AOPEP: variants seen among roughly 807,000 people sequenced by gnomAD.
AOPEP encodes the protein aminopeptidase O.
Under a neutral mutation model 98.1 loss-of-function variants are expected in AOPEP, and 77 were observed. That is an observed-to-expected ratio of 0.78 (90% CI 0.65 to 0.95). The LOEUF is 0.95. Among genes scored for constraint, AOPEP ranks in the 40% least tolerant of loss-of-function variants. The pLI is 0.00. For synonymous variants in AOPEP, 346 were observed against 365.3 expected (o/e 0.95, Z 0.60); for missense variants, 1,024 against 1,024.7 (o/e 1.00, Z 0.01).
intron 5 of AOPEP, among the ~76,000 whole-genome samples, chr9:94,820,594 G>A (rs959310888): frequency 6.6e-6 from 1 of 152,032 alleles, no homozygotes; most frequent in African/African-American, 2.4e-5. Flanking sequence ...AAATTTTACT[G>A]TTGTAAACAA....
At chr9:94,974,615 C>G (rs1171954344) in intron 10 of AOPEP, among the ~76,000 whole-genome samples, 1 of 152,150 alleles carries the variant, frequency 6.6e-6, no homozygotes, top group Non-Finnish European at 1.5e-5. Flanking sequence ...GAAATGTAAC[C>G]GAAGGGTTGA....
At chr9:94,744,974 G>A (rs950596543) in intron 1 of AOPEP, among the ~76,000 whole-genome samples, 20 of 151,674 alleles carry the variant, frequency 1.3e-4, no homozygotes, top group African/African-American at 4.8e-4. Flanking sequence ...GTACCTATAA[G>A]GGTACATGAG....
chr9:94,963,703 C>T lies in AOPEP; in HGVS notation c.1873-4055C>T, dbSNP rs115661464. On this transcript the variant is annotated intron_variant, in intron 9 of 16. Coordinates refer to ENST00000375315, the MANE Select transcript of AOPEP (RefSeq NM_001193329.3). ...ACTATTTGTTGCTAGCTAACTTTGT[C>T]AAATTTTTCTAGAATCAGCTATGAA... 4.6e-3 allele frequency among the ~76,000 whole-genome samples: 698 copies of T among 152,134 alleles called. 6 individuals are homozygous for T. Among genetic ancestry groups the T allele is most frequent in the African/African-American group, 0.016 (667 of 41,518 alleles).
the AOPEP span, among the ~76,000 whole-genome samples, chr9:95,148,231 A>G: frequency 2.9e-3 from 435 of 152,316 alleles, 9 homozygotes; most frequent in South Asian, 0.042. Flanking sequence ...TACGGTGAAA[A>G]GGAAAGTGTG....
intron 7 of AOPEP, among the ~76,000 whole-genome samples, chr9:94,943,790 C>T (rs1443177997): frequency 5.0e-5 from 7 of 139,304 alleles, no homozygotes; most frequent in East Asian, 2.2e-4. Context: ...TGTGGTGGCA[C>T]GCACCTGTAA....
intron 5 of AOPEP, among the ~76,000 whole-genome samples, chr9:94,892,590 G>A (rs934985011): frequency 1.5e-4 from 23 of 152,340 alleles, no homozygotes; most frequent in Admixed American, 1.5e-3. Context: ...CTGTGAGATG[G>A]CCTCATTTGG....
chr9:95,066,901 A>T (rs1025184266), intron 14 of AOPEP, among the ~76,000 whole-genome samples: 1 of 152,210 alleles, frequency 6.6e-6, no homozygotes, highest in Non-Finnish European at 1.5e-5. Context: ...CAGCTCAGTC[A>T]GTAGTTTACA....
intron 5 of AOPEP, among the ~76,000 whole-genome samples, chr9:94,905,369 A>T (rs1447888170): frequency 6.6e-6 from 1 of 152,222 alleles, no homozygotes; most frequent in Non-Finnish European, 1.5e-5. Context: ...GATTATTTTA[A>T]AACATTATAA....
chr9:94,941,993 C>A (rs973925131), intron 7 of AOPEP, among the ~76,000 whole-genome samples: 8 of 152,176 alleles, frequency 5.3e-5, no homozygotes, highest in African/African-American at 1.9e-4. Context: ...ATTACTGCTA[C>A]TGTTTTCTTG....
intron 5 of AOPEP, among the ~76,000 whole-genome samples, chr9:94,899,179 C>CTTTTTTTTTTTTTTTTTTTTTTTTTT (rs1164742981): frequency 1.7e-5 from 1 of 59,732 alleles, no homozygotes; most frequent in African/African-American, 7.5e-5. Flanking sequence ...TCTTCATTTG[C>CTTTTTTTTTTTTTTTTTTTTTTTTTT]TTTTTTTTTT....
chr9:94,872,072 A>C (rs1007888963), intron 5 of AOPEP, among the ~76,000 whole-genome samples: 1 of 152,142 alleles, frequency 6.6e-6, no homozygotes, highest in Non-Finnish European at 1.5e-5. Flanking sequence ...CACCTATAGG[A>C]AACATATGGT....
intron 5 of AOPEP, among the ~76,000 whole-genome samples, chr9:94,875,420 T>G (rs559712430): frequency 6.7e-6 from 1 of 148,204 alleles, no homozygotes; most frequent in South Asian, 2.1e-4. Flanking sequence ...ATTCAGAGAC[T>G]TGGGCTGCCA....
chr9:94,852,208 T>C (rs1042923916), intron 5 of AOPEP, among the ~76,000 whole-genome samples: 2 of 152,210 alleles, frequency 1.3e-5, no homozygotes, highest in African/African-American at 4.8e-5. Context: ...TACAAGTACT[T>C]GGATCCCACC....
At chr9:95,083,779 C>T (rs946757537) in intron 16 of AOPEP, among the ~76,000 whole-genome samples, 2 of 152,242 alleles carry the variant, frequency 1.3e-5, no homozygotes, top group African/African-American at 4.8e-5. Flanking sequence ...GGCATATGGC[C>T]TCCATGACCC....
At chr9:95,116,352 G>C in the AOPEP span, among the ~76,000 whole-genome samples, 1 of 152,164 alleles carries the variant, frequency 6.6e-6, no homozygotes, top group Non-Finnish European at 1.5e-5. Flanking sequence ...CCCACCCCTA[G>C]CTCCAGCATC....
intron 5 of AOPEP, among the ~76,000 whole-genome samples, chr9:94,807,554 G>A (rs910885575): frequency 2.6e-5 from 4 of 152,118 alleles, no homozygotes; most frequent in African/African-American, 7.2e-5. Flanking sequence ...GCACCACCTT[G>A]CCATTTTTTC....
At chr9:95,108,753 C>CTGTT in the AOPEP span, among the ~76,000 whole-genome samples, 1 of 152,200 alleles carries the variant, frequency 6.6e-6, no homozygotes, top group Non-Finnish European at 1.5e-5. Context: ...AAAAGACTCA[C>CTGTT]TGTTAATAAT....
intron 1 of AOPEP, among the ~76,000 whole-genome samples, chr9:94,734,050 TTTTA>T (rs1186373761): frequency 2.6e-5 from 4 of 152,314 alleles, no homozygotes; most frequent in Middle Eastern, 3.4e-3. Flanking sequence ...TCTGAATGCC[TTTTA>T]TTTATTTATT....
chr9:94,987,290 C>CA (rs2060580221), intron 11 of AOPEP, among the ~76,000 whole-genome samples: 1 of 152,252 alleles, frequency 6.6e-6, no homozygotes, highest in Non-Finnish European at 1.5e-5. Context: ...GAAGCAGAGA[C>CA]AGTGTAAGTA....
Sources: gnomAD v4.1 joint callset for allele counts (sites outside exome capture counted in the v4.1 genomes callset) on GRCh38, gnomAD v4.1.1 for gene constraint, MANE v1.5 for transcripts, NCBI Gene and HGNC (gene_info 2026-07-23, HGNC 2026-07-21) for gene names.